FGGY: variants seen among roughly 807,000 people sequenced by gnomAD.
FGGY encodes the protein FGGY carbohydrate kinase domain containing, also known as FGGY carbohydrate kinase domain-containing protein.
FGGY carries 72 observed loss-of-function variants against 71.3 expected under a neutral mutation model. That is an observed-to-expected ratio of 1.01 (90% CI 0.84 to 1.23). FGGY has a LOEUF of 1.23. Ranked by LOEUF, FGGY falls within the 50% of genes most tolerant of loss-of-function variation. The pLI is 0.00. For synonymous variants in FGGY, 251 were observed against 250.3 expected, an observed-to-expected ratio of 1.00 and a Z score of -0.02; for missense variants, 668 against 682.3, an observed-to-expected ratio of 0.98 and a Z score of 0.23.
chr1:59,584,404 A>G (rs534756448), intron 8 of FGGY, among the ~76,000 whole-genome samples: 1 of 150,154 alleles, frequency 6.7e-6, no homozygotes, highest in East Asian at 1.9e-4. Flanking sequence ...TATAAACAGA[A>G]CAAACAACAA....
intron 11 of FGGY, among the ~76,000 whole-genome samples, chr1:59,647,083 A>G (rs1479901967): frequency 6.6e-6 from 1 of 152,156 alleles, no homozygotes; most frequent in African/African-American, 2.4e-5. Context: ...GTGGCATGAT[A>G]AAAGACTGAG....
chr1:59,409,596 T>TATATATATATATATATATA (rs1557833921), intron 5 of FGGY, among the ~76,000 whole-genome samples: 16 of 84,042 alleles, frequency 1.9e-4, no homozygotes, highest in African/African-American at 6.4e-4. Context: ...AGGAAGAGTT[T>TATATATATATATATATATA]TTTATATATA....
At chr1:59,406,358 A>G (rs532094341) in intron 5 of FGGY, among the ~76,000 whole-genome samples, 13 of 152,004 alleles carry the variant, frequency 8.6e-5, no homozygotes, top group African/African-American at 3.1e-4. Context: ...TACTCGTGCC[A>G]TGTTTTTCTC....
chr1:59,410,241 A>T (rs2063405141), intron 5 of FGGY, among the ~76,000 whole-genome samples: 2 of 152,236 alleles, frequency 1.3e-5, no homozygotes, highest in Admixed American at 1.3e-4. Context: ...CAAAGATAGT[A>T]ACAACAATGA....
intron 5 of FGGY, among the ~76,000 whole-genome samples, chr1:59,391,326 C>T (rs1262762898): frequency 6.6e-6 from 1 of 152,080 alleles, no homozygotes; most frequent in African/African-American, 2.4e-5. Flanking sequence ...ATGAAGCATG[C>T]TGGGTCAGTC....
intron 1 of FGGY, among the ~76,000 whole-genome samples, chr1:59,311,577 C>A (rs2044336705): frequency 6.6e-6 from 1 of 152,164 alleles, no homozygotes. Flanking sequence ...TGATCTCATT[C>A]CTTTTTATGG....
intron 9 of FGGY, among the ~76,000 whole-genome samples, chr1:59,611,859 C>A (rs1572075746): frequency 6.6e-6 from 1 of 152,130 alleles, no homozygotes; most frequent in Admixed American, 6.5e-5. Flanking sequence ...AATGCACAAG[C>A]CTCAGTAGCC....
chr1:59,761,957 G>A lies in FGGY; in HGVS notation c.1575-546G>A, dbSNP rs879459123. 4.6e-5 allele frequency among the ~76,000 whole-genome samples: 7 copies of A among 152,276 alleles called. No individual in the cohort carries two copies. In the South Asian group the frequency reaches 6.2e-4, roughly 14 times the overall value. On this transcript the variant is annotated intron_variant, in intron 15 of 15. Coordinates refer to ENST00000303721, the MANE Select transcript of FGGY (RefSeq NM_018291.5). ...ATGTGAAAGAGTCTCCATTAAGTCC[G>A]GCCTTTTTGTATATACAGTAGAAGC...
intron 4 of FGGY, among the ~76,000 whole-genome samples, 178 bp downstream of exon 4, chr1:59,346,576 T>C (rs569121218): frequency 1.8e-4 from 27 of 152,338 alleles, no homozygotes; most frequent in African/African-American, 4.8e-4. Context: ...CCTGTTTTTA[T>C]GTGCCTAACT....
intron 14 of FGGY, among the ~76,000 whole-genome samples, chr1:59,718,027 C>A (rs2097857564): frequency 6.6e-6 from 1 of 152,126 alleles, no homozygotes; most frequent in Non-Finnish European, 1.5e-5. Flanking sequence ...CACTTTGAAC[C>A]CATGCAGTTT....
chr1:59,703,949 T>G (rs1273377654), intron 14 of FGGY, among the ~76,000 whole-genome samples: 1 of 152,136 alleles, frequency 6.6e-6, no homozygotes, highest in African/African-American at 2.4e-5. Context: ...GGCCTGACAA[T>G]TTGTTATTCT....
chr1:59,705,301 G>GA (rs2097748671), intron 14 of FGGY, among the ~76,000 whole-genome samples: 2 of 152,094 alleles, frequency 1.3e-5, no homozygotes, highest in Non-Finnish European at 2.9e-5. Context: ...GAATTTCTTG[G>GA]AAATGTTCCC....
chr1:59,699,095 G>C (rs2097688571), intron 14 of FGGY: 17 of 985,136 alleles, frequency 1.7e-5, no homozygotes, highest in Non-Finnish European at 2.0e-5. Context: ...TTTTTACTCT[G>C]AAAGCTTTTG....
intron 1 of FGGY, among the ~76,000 whole-genome samples, chr1:59,316,963 G>A (rs969811975): frequency 6.6e-6 from 1 of 152,016 alleles, no homozygotes; most frequent in Non-Finnish European, 1.5e-5. Flanking sequence ...CCCCAGTTCC[G>A]ACTCTCACCA....
intron 5 of FGGY, among the ~76,000 whole-genome samples, chr1:59,420,901 T>G (rs1332729724): frequency 9.5e-6 from 1 of 105,164 alleles, no homozygotes; most frequent in African/African-American, 2.7e-5. Context: ...ACATAAGTAT[T>G]TTTTGGGGGT....
At chr1:59,381,962 C>T (rs1339864331) in intron 5 of FGGY, among the ~76,000 whole-genome samples, 1 of 152,028 alleles carries the variant, frequency 6.6e-6, no homozygotes, top group Non-Finnish European at 1.5e-5. Context: ...ACAGGTTGGA[C>T]ATGAAATCTT....
In FGGY at chr1:59,322,388, A is replaced by G. The variant is rs1032494420; in HGVS notation, c.201+638A>G. On this transcript the variant is annotated intron_variant, in intron 2 of 15. Transcript: ENST00000303721. Reference sequence around the variant, plus strand: ...TGATTTCTGAGATTTTGGTGCACTCATCACCCAAGCAGTGTACACTGTACC... The same window carrying G: ...TGATTTCTGAGATTTTGGTGCACTCGTCACCCAAGCAGTGTACACTGTACC... Among the ~76,000 whole-genome samples the G allele has an allele frequency of 3.3e-5, 5 of 150,958 alleles. No individual in the cohort carries two copies. In the Admixed American group the frequency reaches 3.3e-4, roughly 10 times the overall value.
At chr1:59,742,767 A>T (rs575323852) in intron 14 of FGGY, among the ~76,000 whole-genome samples, 1 of 152,222 alleles carries the variant, frequency 6.6e-6, no homozygotes, top group South Asian at 2.1e-4. Context: ...TTCTGAGCCC[A>T]CTCTGTCTTT....
chr1:59,391,015 A>G (rs2060623423), intron 5 of FGGY, among the ~76,000 whole-genome samples: 1 of 152,256 alleles, frequency 6.6e-6, no homozygotes, highest in Non-Finnish European at 1.5e-5. Flanking sequence ...TAAGAGCCAA[A>G]TAATCCTTAG....
Sources: allele counts gnomAD v4.1 joint callset (sites outside exome capture counted in the v4.1 genomes callset), GRCh38; gene constraint gnomAD v4.1.1; transcripts MANE v1.5; gene names NCBI Gene and HGNC (gene_info 2026-07-23, HGNC 2026-07-21).